The following CFAP97D2 variants were observed in gnomAD, a reference collection of about 807,000 sequenced individuals.
The protein encoded by CFAP97D2 is uncharacterized protein CFAP97D2.
chr13:114,182,970 C>A (rs1277636520), intron 1 of CFAP97D2, among the ~76,000 whole-genome samples: 1 of 152,164 alleles, frequency 6.6e-6, no homozygotes, highest in Non-Finnish European at 1.5e-5. Context: ...GCCTTGCACT[C>A]ACTGCTACCT....
Position 114,185,964 on chromosome 13 carries a change from T to G in CFAP97D2, c.90+6544T>G, listed in dbSNP as rs117473343. Among the ~76,000 whole-genome samples the G allele has an allele frequency of 0.012, 1,767 of 152,252 alleles. 96 individuals carry two copies. The highest frequency in any genetic ancestry group is 0.081 in the Admixed American group (1,243 of 15,290). On this transcript the variant is annotated intron_variant, in intron 1 of 4. Coordinates refer to ENST00000646158, the Ensembl canonical transcript of CFAP97D2. This position sits in a 1 kb window ranked among gnomAD's most constrained non-coding sequence, Gnocchi z 5.2. Reference sequence around the variant, plus strand: ...GCTGGGGAGGGCCTGAAGCCTGGGGTTCCAGCTGCCTGTCCTGCAAGCCAG... The same window carrying G: ...GCTGGGGAGGGCCTGAAGCCTGGGGGTCCAGCTGCCTGTCCTGCAAGCCAG...
intron 1 of CFAP97D2, among the ~76,000 whole-genome samples, chr13:114,194,756 C>T (rs918338955): frequency 5.3e-5 from 8 of 152,084 alleles, no homozygotes; most frequent in Admixed American, 2.6e-4. Context: ...TTAAATTAAA[C>T]AAGAAGCAAC....
chr13:114,182,324 C>T (rs1343511416), intron 1 of CFAP97D2, among the ~76,000 whole-genome samples: 5 of 152,256 alleles, frequency 3.3e-5, no homozygotes, highest in South Asian at 2.1e-4. Flanking sequence ...TCTCGCCTCC[C>T]GCCATAGGGC....
In CFAP97D2 at chr13:114,211,748, C is replaced by A. The variant is rs1434061296; in HGVS notation, c.291-164C>A. 6.6e-6 allele frequency among the ~76,000 whole-genome samples: 1 copy of A among 152,240 alleles called. No homozygotes were observed. The highest frequency in any genetic ancestry group is 1.5e-5 in the Non-Finnish European group (1 of 68,034). On this transcript the variant is annotated intron_variant, in intron 3 of 4. Coordinates refer to ENST00000646158, the Ensembl canonical transcript of CFAP97D2. This position sits in a 1 kb window ranked among gnomAD's most constrained non-coding sequence, Gnocchi z 4.2. ...CTCCTCTCTGAGCCAGCAGCTCCCA[C>A]TCCAGCACCTGGAGAACCGGTTTCT... is the stretch of plus-strand genomic sequence containing the variant.
At position 114,186,486 on chromosome 13, in the gene CFAP97D2, T is replaced by C. The variant is rs1339036141; in HGVS notation, c.90+7066T>C. 6.6e-6 allele frequency among the ~76,000 whole-genome samples: 1 copy of C among 152,214 alleles called. No homozygotes were observed. The highest frequency in any genetic ancestry group is 1.5e-5 in the Non-Finnish European group (1 of 68,032). On this transcript the variant is annotated intron_variant, in intron 1 of 4. Coordinates refer to ENST00000646158, the Ensembl canonical transcript of CFAP97D2. The surrounding 1 kb of genome is among the most constrained non-coding windows in gnomAD (Gnocchi z 4.3). The stretch of plus-strand genomic sequence containing the variant: ...CATCAAGTGGTGGGGCTAAAAGAGC[T>C]GCAACACAAGCAGGGCTGAAACATG...
At chr13:114,213,132 T>C (rs1289464521) in intron 4 of CFAP97D2, among the ~76,000 whole-genome samples, 1 of 152,202 alleles carries the variant, frequency 6.6e-6, no homozygotes, top group Non-Finnish European at 1.5e-5. Flanking sequence ...CTTCCATCAC[T>C]CGCTTTACCT....
chr13:114,190,395 A>G (rs1253008072), intron 1 of CFAP97D2, among the ~76,000 whole-genome samples: 1 of 115,968 alleles, frequency 8.6e-6, no homozygotes, highest in Non-Finnish European at 1.8e-5. Context: ...ATCTATGTAG[A>G]AAATACCAAA....
At chr13:114,181,278 C>CA (rs2080831201) in intron 1 of CFAP97D2, among the ~76,000 whole-genome samples, 1 of 152,200 alleles carries the variant, frequency 6.6e-6, no homozygotes, top group African/African-American at 2.4e-5. Context: ...TGGTGAAGAA[C>CA]AGGGCAACTG....
intron 1 of CFAP97D2, among the ~76,000 whole-genome samples, chr13:114,182,539 T>C (rs559960680): frequency 0.03 from 4,400 of 148,300 alleles, 119 homozygotes; most frequent in Middle Eastern, 0.11. Context: ...CACGAGGCCG[T>C]ATTTCAGACT....
intron 1 of CFAP97D2, among the ~76,000 whole-genome samples, chr13:114,182,487 T>A (rs1338575191): frequency 6.6e-6 from 1 of 151,774 alleles, no homozygotes; most frequent in South Asian, 2.1e-4. Flanking sequence ...CACAGACCCT[T>A]TACCGGTGTC....
At chr13:114,183,863 G>A (rs1378797463) in intron 1 of CFAP97D2, among the ~76,000 whole-genome samples, 2 of 152,348 alleles carry the variant, frequency 1.3e-5, no homozygotes, top group African/African-American at 2.4e-5. Flanking sequence ...AAACTGAAAA[G>A]CATGCTGGAC....
chr13:114,200,506 T>C (rs569514785), intron 3 of CFAP97D2, 63 bp downstream of exon 3: 1 of 397,342 alleles, frequency 2.5e-6, no homozygotes, highest in East Asian at 3.6e-5. Flanking sequence ...TGGGAAGGGG[T>C]TGGGGATGAG....
At chr13:114,208,977 C>G (rs925739989) in intron 3 of CFAP97D2, among the ~76,000 whole-genome samples, 1 of 152,100 alleles carries the variant, frequency 6.6e-6, no homozygotes, top group African/African-American at 2.4e-5. Context: ...AAATAGGACC[C>G]CTTTGGTTTT....
intron 3 of CFAP97D2, among the ~76,000 whole-genome samples, chr13:114,200,748 C>T (rs2138769932): frequency 6.6e-6 from 1 of 152,312 alleles, no homozygotes; most frequent in African/African-American, 2.4e-5. Context: ...CTCACAGGAC[C>T]CCGTGTGGTA....
intron 3 of CFAP97D2, among the ~76,000 whole-genome samples, chr13:114,209,646 C>T (rs75930687): frequency 0.065 from 9,925 of 152,238 alleles, 551 homozygotes; most frequent in African/African-American, 0.13. Context: ...TCTGGCTCCA[C>T]CGTTGTGTCT....
At chr13:114,209,248 C>T (rs1317626956) in intron 3 of CFAP97D2, among the ~76,000 whole-genome samples, 1 of 152,214 alleles carries the variant, frequency 6.6e-6, no homozygotes, top group Non-Finnish European at 1.5e-5. Flanking sequence ...AGCTAATTTG[C>T]TCCAGTGAAA....
chr13:114,216,202 C>A (rs575537736), intron 4 of CFAP97D2, among the ~76,000 whole-genome samples: 1 of 152,228 alleles, frequency 6.6e-6, no homozygotes, highest in Non-Finnish European at 1.5e-5. Context: ...TGCGACACTC[C>A]TTCTCCAGGG....
intron 4 of CFAP97D2, among the ~76,000 whole-genome samples, chr13:114,220,035 G>A (rs1171892876): frequency 2.6e-5 from 4 of 152,038 alleles, no homozygotes; most frequent in Admixed American, 6.5e-5. Context: ...GAGGGAGCAC[G>A]GCACACACGT....
At chr13:114,197,162 A>C (rs1230567285) in intron 2 of CFAP97D2, among the ~76,000 whole-genome samples, 2 of 152,230 alleles carry the variant, frequency 1.3e-5, no homozygotes, top group African/African-American at 4.8e-5. Context: ...GATCAGGAAA[A>C]AGACCTGGAA....
Sources: allele counts gnomAD v4.1 joint callset (sites outside exome capture counted in the v4.1 genomes callset), GRCh38; gene constraint gnomAD v4.1.1; non-coding constraint Gnocchi (gnomAD v3.1); transcripts MANE v1.5; gene names NCBI Gene and HGNC (gene_info 2026-07-23, HGNC 2026-07-21).